Variants in UTRN observed in about 807,000 individuals in gnomAD.
UTRN encodes the protein dystrophin-related protein 1.
A neutral mutation model predicts 463.9 loss-of-function variants in UTRN; 283 were observed. That is an observed-to-expected ratio of 0.61 (90% CI 0.55 to 0.67). The LOEUF (loss-of-function observed/expected upper bound fraction) is 0.67. Among genes scored for constraint, UTRN ranks in the 30% least tolerant of loss-of-function variants. The probability of loss-of-function intolerance (pLI) is 0.00; values close to 1 mark genes in which losing one functional copy is unlikely to be tolerated. For synonymous variants in UTRN, 1,442 were observed against 1,431.5 expected (o/e 1.01, Z -0.17); for missense variants, 3,922 against 4,084.3 (o/e 0.96, Z 1.08).
intron 66 of UTRN, among the ~76,000 whole-genome samples, chr6:144,826,323 ACCTACTTTCTTT>A (rs1780180762): frequency 6.6e-6 from 1 of 152,092 alleles, no homozygotes; most frequent in African/African-American, 2.4e-5. Flanking sequence ...CATTATAGAT[ACCTACTTTCTTT>A]GTCTAAGTAG....
chr6:144,543,890 G>A (rs905880555), intron 46 of UTRN, among the ~76,000 whole-genome samples: 1 of 151,740 alleles, frequency 6.6e-6, no homozygotes, highest in African/African-American at 2.4e-5. Context: ...CTGGAAATTT[G>A]CACAAAAAGT....
chr6:144,504,234 TTC>T (rs1794495503), intron 34 of UTRN, among the ~76,000 whole-genome samples: 3 of 152,222 alleles, frequency 2.0e-5, no homozygotes, highest in African/African-American at 7.2e-5. Flanking sequence ...CTTTATTTCT[TTC>T]TCTTTCCTGA....
At chr6:144,564,350 C>T (rs911041154) in intron 50 of UTRN, among the ~76,000 whole-genome samples, 6 of 151,974 alleles carry the variant, frequency 3.9e-5, no homozygotes, top group Non-Finnish European at 7.4e-5. Flanking sequence ...ACAGAGTGAA[C>T]AGCAAATATA....
intron 3 of UTRN, among the ~76,000 whole-genome samples, chr6:144,414,322 A>G (rs1415143489): frequency 6.6e-6 from 1 of 152,134 alleles, no homozygotes; most frequent in African/African-American, 2.4e-5. Context: ...GCCTAGGCTA[A>G]TGTGTATGTT....
intron 51 of UTRN, chr6:144,583,612 A>G: frequency 1.5e-6 from 1 of 680,684 alleles, no homozygotes; most frequent in Non-Finnish European, 2.7e-6. Flanking sequence ...TAACTGAGTG[A>G]TTGAAAATAA....
At chr6:144,541,264 C>T (rs550645546) in intron 45 of UTRN, among the ~76,000 whole-genome samples, 6 of 152,168 alleles carry the variant, frequency 3.9e-5, no homozygotes, top group Non-Finnish European at 7.3e-5. Flanking sequence ...ACAATATCCA[C>T]TGCTCTCTCT....
At chr6:144,453,915 T>A in intron 19 of UTRN, 46 bp downstream of exon 19, 1 of 1,531,992 alleles carries the variant, frequency 6.5e-7, no homozygotes, top group Middle Eastern at 1.7e-4. Flanking sequence ...GATGGTGGCA[T>A]CGAATAATAT....
At chr6:144,370,113 C>A (rs1038841662) in intron 2 of UTRN, among the ~76,000 whole-genome samples, 1 of 152,150 alleles carries the variant, frequency 6.6e-6, no homozygotes, top group Admixed American at 6.5e-5. Flanking sequence ...GGGTAACAGG[C>A]AGAGCTTTGA....
intron 2 of UTRN, among the ~76,000 whole-genome samples, chr6:144,306,548 G>A (rs1403862296): frequency 6.6e-6 from 1 of 152,056 alleles, no homozygotes; most frequent in Non-Finnish European, 1.5e-5. Context: ...TTTCTTTCTA[G>A]GTTTTGTGGA....
intron 46 of UTRN, among the ~76,000 whole-genome samples, chr6:144,544,137 A>T (rs1281755119): frequency 6.6e-6 from 1 of 152,242 alleles, no homozygotes; most frequent in Non-Finnish European, 1.5e-5. Flanking sequence ...TACAACTTCC[A>T]TTAGGTGGAT....
chr6:144,317,987 C>T (rs1775390057), intron 2 of UTRN, among the ~76,000 whole-genome samples: 2 of 152,210 alleles, frequency 1.3e-5, no homozygotes, highest in South Asian at 2.1e-4. Context: ...AACCTCACGA[C>T]TGTATGTTTC....
chr6:144,466,852 A>G (rs1024007681), intron 23 of UTRN, among the ~76,000 whole-genome samples: 2 of 152,136 alleles, frequency 1.3e-5, no homozygotes, highest in African/African-American at 4.8e-5. Flanking sequence ...ACTGTCTTCT[A>G]TTTTCCAGCG....
intron 62 of UTRN, 148 bp downstream of exon 62, chr6:144,789,427 G>A (rs2128742474): frequency 1.6e-6 from 1 of 633,332 alleles, no homozygotes; most frequent in Non-Finnish European, 2.5e-6. Context: ...AAGTTAGACA[G>A]AGGGTGGCAG....
In UTRN at chr6:144,490,984, T is replaced by G. The variant is rs754645940; in HGVS notation, c.4319T>G (p.Phe1440Cys). 1 of 1,612,282 alleles carries G rather than the reference T, an allele frequency of 6.2e-7. No homozygotes were observed. Among genetic ancestry groups the G allele is most frequent in the Non-Finnish European group, 8.5e-7 (1 of 1,179,118 alleles). The change falls in exon 32 of 75, where the codon TTC becomes TGC. Residue 1440 changes from phenylalanine (F) to cysteine (C), a missense_variant. Physicochemically the swap from Phe to Cys is radical, Grantham distance 205 (BLOSUM62 -2). Coordinates refer to ENST00000367545, the MANE Select transcript of UTRN (RefSeq NM_007124.3). Reference sequence around the variant, plus strand: ...CAGCTTTTCCAGAAGCCAGCTAACTTCGAGCAGCGCATGCTGGACTGCAAG... The same window carrying G: ...CAGCTTTTCCAGAAGCCAGCTAACTGCGAGCAGCGCATGCTGGACTGCAAG... ...KFQLFQKPAN[F>C]EQRMLDCKRV... is the part of the protein sequence containing the mutation.
chr6:144,825,453 A>G (rs963819022), intron 66 of UTRN, among the ~76,000 whole-genome samples: 1 of 152,198 alleles, frequency 6.6e-6, no homozygotes, highest in African/African-American at 2.4e-5. Flanking sequence ...AAGTCAATGA[A>G]GCCCAAGGTT....
chr6:144,714,640 G>T (rs2128705404), intron 53 of UTRN, among the ~76,000 whole-genome samples: 1 of 152,242 alleles, frequency 6.6e-6, no homozygotes, highest in East Asian at 1.9e-4. Flanking sequence ...TGCTTGCATT[G>T]CGAAGAACAT....
intron 2 of UTRN, among the ~76,000 whole-genome samples, chr6:144,394,357 G>C (rs368488484): frequency 2.9e-4 from 44 of 152,218 alleles, no homozygotes; most frequent in African/African-American, 8.2e-4. Context: ...GAGAGCCAAA[G>C]GAAAGGGGAA....
rs553622245 is a variant in UTRN, at chr6:144,584,352, A to T, written c.7479+7064A>T. Among the ~76,000 whole-genome samples the T allele has an allele frequency of 2.2e-3, 333 of 152,206 alleles. 2 individuals carry two copies. The highest frequency in any genetic ancestry group is 7.6e-3 in the African/African-American group (314 of 41,552). On this transcript the variant is annotated intron_variant, in intron 51 of 74. Coordinates refer to ENST00000367545, the MANE Select transcript of UTRN (RefSeq NM_007124.3). ...ATGTCATTACTTTTGTCAAAATTAGAGTGTTTTGATATAAAAGGAGAGAGT... is the reference window on the plus strand; with the variant it reads ...ATGTCATTACTTTTGTCAAAATTAGTGTGTTTTGATATAAAAGGAGAGAGT...
chr6:144,795,341 T>A (rs1270982248), intron 63 of UTRN, among the ~76,000 whole-genome samples: 1 of 152,222 alleles, frequency 6.6e-6, no homozygotes, highest in Non-Finnish European at 1.5e-5. Context: ...TACGTGCGCA[T>A]GTGTCTTTAT....
Sources: allele counts gnomAD v4.1 joint callset (sites outside exome capture counted in the v4.1 genomes callset), GRCh38; gene constraint gnomAD v4.1.1; transcripts MANE v1.5; gene names NCBI Gene and HGNC (gene_info 2026-07-23, HGNC 2026-07-21).